The following RNF4 variants were observed in gnomAD, a reference collection of about 807,000 sequenced individuals.
RNF4 encodes ring finger protein 4, also known as E3 ubiquitin-protein ligase RNF4.
In RNF4, 7 loss-of-function variants were observed where a neutral mutation model predicts 24.3. The observed-to-expected ratio is 0.29, with a 90% CI of 0.16 to 0.54. The LOEUF is 0.54. Among genes scored for constraint, RNF4 ranks in the 20% least tolerant of loss-of-function variants. RNF4 has a pLI of 0.95. For synonymous variants in RNF4, 83 were observed against 84.3 expected (o/e 0.98, Z 0.09); for missense variants, 209 against 248.5 (o/e 0.84, Z 1.07).
chr4:2,509,577 G>A (rs570151761), intron 4 of RNF4, among the ~76,000 whole-genome samples: 87 of 152,132 alleles, frequency 5.7e-4, no homozygotes, highest in Non-Finnish European at 8.5e-4. Context: ...CATTAAAAGC[G>A]GGGACAGTCA....
rs142569699 is a variant in RNF4, at chr4:2,482,190, G to A, written c.-157-8147G>A. 2.7e-3 allele frequency among the ~76,000 whole-genome samples: 415 copies of A among 152,302 alleles called. 1 individual carries two copies. The highest frequency in any genetic ancestry group is 9.7e-3 in the African/African-American group (402 of 41,560). On this transcript the variant is annotated intron_variant, in intron 1 of 7. Transcript: ENST00000314289. The stretch of plus-strand genomic sequence containing the variant: ...TTAGGCCCCCTCTGGTGTGCCCTTC[G>A]AGAATTCCCATTGTGGGGCACTGCT...
chr4:2,505,061 T>G (rs572280022), intron 4 of RNF4: 1 of 152,154 alleles, frequency 6.6e-6, no homozygotes, highest in East Asian at 1.9e-4. Flanking sequence ...TATGCAACTT[T>G]CGTATATAAA....
intron 4 of RNF4, among the ~76,000 whole-genome samples, chr4:2,508,784 G>C (rs899848893): frequency 6.6e-6 from 1 of 151,010 alleles, no homozygotes; most frequent in Admixed American, 6.6e-5. Context: ...GGCTAATTTT[G>C]TGTTTTTAGT....
At chr4:2,491,098 TTCTGTTTTCCCG>T (rs1353269090) in intron 2 of RNF4, among the ~76,000 whole-genome samples, 1 of 152,204 alleles carries the variant, frequency 6.6e-6, no homozygotes, top group Non-Finnish European at 1.5e-5. Context: ...CAACCCAGTT[TTCTGTTTTCCCG>T]TCTGTTTTGT....
intron 5 of RNF4, 35 bp downstream of exon 5, chr4:2,512,000 G>A: frequency 6.3e-7 from 1 of 1,599,386 alleles, no homozygotes; most frequent in Non-Finnish European, 8.5e-7. Context: ...ACTGGGTTTG[G>A]AGAGGAAACT....
Position 2,512,098 on chromosome 4 carries a change from A to T in RNF4, c.214+133A>T. The T allele has an allele frequency of 1.2e-6, 1 of 817,490 alleles. No homozygotes were observed. Among genetic ancestry groups the T allele is most frequent in the Admixed American group, 2.5e-5 (1 of 40,388 alleles). The allele number at this position is 817,490 out of a possible 1,614,324, so 50.6% of individuals were successfully genotyped here. A position where few individuals can be genotyped will look rare whatever the true frequency, so the allele number is the denominator to read the frequency against. ...TCCAAGCAGGAAGATGCCTTCGCAG[A>T]TGCTGTGGTCAGACCCACACAGCCA... On this transcript the variant is annotated intron_variant, in intron 5 of 7. Transcript: ENST00000314289. The surrounding 1 kb of genome is among the most constrained non-coding windows in gnomAD (Gnocchi z 4.1).
At chr4:2,492,055 A>G (rs201132006) in intron 2 of RNF4, among the ~76,000 whole-genome samples, 1 of 151,820 alleles carries the variant, frequency 6.6e-6, no homozygotes. Context: ...AAAATTAGCC[A>G]GGCATAGTTG....
chr4:2,472,049 T>TTA (rs1357065419), intron 1 of RNF4, among the ~76,000 whole-genome samples: 3 of 152,228 alleles, frequency 2.0e-5, no homozygotes, highest in Non-Finnish European at 2.9e-5. Flanking sequence ...AAATACTATC[T>TTA]AGGACTTTCA....
rs576048993 is a variant in RNF4, at chr4:2,499,506, C to T, written c.125-1153C>T. 259 of 285,674 alleles carry T rather than the reference C, an allele frequency of 9.1e-4. 1 individual carries two copies. Among genetic ancestry groups the T allele is most frequent in the African/African-American group, 5.5e-3 (235 of 42,970 alleles). The allele number at this position is 285,674 out of a possible 1,614,324, so 17.7% of individuals were successfully genotyped here. ...GGTCAGGCTGGTCTCGAACTCTCAA[C>T]CTCAGGTGATCCGCCCACCTCAGCC... On this transcript the variant is annotated intron_variant, in intron 3 of 7. Coordinates refer to ENST00000314289, the MANE Select transcript of RNF4 (RefSeq NM_002938.5).
At chr4:2,473,266 C>G (rs111772927) in intron 1 of RNF4, among the ~76,000 whole-genome samples, 2 of 151,930 alleles carry the variant, frequency 1.3e-5, no homozygotes, top group East Asian at 1.9e-4. Flanking sequence ...CTCCTGTAGT[C>G]CCAGCTACTT....
intron 1 of RNF4, among the ~76,000 whole-genome samples, chr4:2,489,200 G>C (rs1165277619): frequency 6.6e-6 from 1 of 152,190 alleles, no homozygotes; most frequent in Admixed American, 6.5e-5. Flanking sequence ...ATGCTTAGGA[G>C]TTAGGCCTTG....
chr4:2,513,834 C>A lies in RNF4; in HGVS notation c.*15C>A. Reference sequence around the variant, plus strand: ...TTTATATATGAAGTATTCAGAGCCCCCCAGGAGAGACGGATGGACAGACAG... The same window carrying A: ...TTTATATATGAAGTATTCAGAGCCCACCAGGAGAGACGGATGGACAGACAG... On this transcript the variant is annotated 3_prime_UTR_variant, in exon 8 of 8. Coordinates refer to ENST00000314289, the MANE Select transcript of RNF4 (RefSeq NM_002938.5). 6.2e-7 allele frequency: 1 copy of A among 1,613,782 alleles called. No individual in the cohort carries two copies. Among genetic ancestry groups the A allele is most frequent in the East Asian group, 2.2e-5 (1 of 44,878 alleles).
intron 4 of RNF4, chr4:2,505,481 AC>A (rs1456374268): frequency 6.6e-6 from 1 of 151,562 alleles, no homozygotes; most frequent in African/African-American, 2.4e-5. Flanking sequence ...GCCCGCCACC[AC>A]ACCCGGCTAA....
chr4:2,497,754 C>T (rs969088653), intron 3 of RNF4, among the ~76,000 whole-genome samples: 1 of 152,184 alleles, frequency 6.6e-6, no homozygotes, highest in African/African-American at 2.4e-5. Flanking sequence ...CCTGCCTCAG[C>T]CTCCCAAGTA....
chr4:2,497,042 A>G lies in RNF4; in HGVS notation c.45A>G (p.Gln15=), dbSNP rs548775256. ...KRRGGAINSR[Q]AQKRTREATS... ...GTGGTGGAGCAATAAATTCTAGACAAGCTCAGAAGCGAACTCGGGAAGCAA... is the reference window on the plus strand; with the variant it reads ...GTGGTGGAGCAATAAATTCTAGACAGGCTCAGAAGCGAACTCGGGAAGCAA... Residue 15 remains glutamine, a synonymous_variant, in exon 3 of 8, where the codon CAA becomes CAG. Transcript: ENST00000314289. The G allele has an allele frequency of 1.2e-6, 2 of 1,607,588 alleles. No homozygotes were observed. The highest frequency in any genetic ancestry group is 2.2e-5 in the East Asian group (1 of 44,666).
intron 4 of RNF4, among the ~76,000 whole-genome samples, chr4:2,510,106 C>T (rs1404087572): frequency 2.0e-5 from 3 of 152,196 alleles, no homozygotes; most frequent in Admixed American, 6.5e-5. Context: ...GAGCACGTTT[C>T]AGTGGCTCCA....
chr4:2,511,174 ACT>A (rs1288106779), intron 4 of RNF4, among the ~76,000 whole-genome samples: 16 of 152,170 alleles, frequency 1.1e-4, no homozygotes, highest in Non-Finnish European at 1.9e-4. Flanking sequence ...GGCTCTGGTG[ACT>A]CTGCTTCAGA....
At chr4:2,474,239 G>A (rs1578495774) in intron 1 of RNF4, among the ~76,000 whole-genome samples, 2 of 151,874 alleles carry the variant, frequency 1.3e-5, no homozygotes, top group African/African-American at 2.4e-5. Flanking sequence ...TTAGCCAGGT[G>A]TGGTGGCACG....
At chr4:2,493,935 C>T (rs984761640) in intron 2 of RNF4, among the ~76,000 whole-genome samples, 4 of 150,802 alleles carry the variant, frequency 2.7e-5, no homozygotes, top group East Asian at 2.0e-4. Context: ...CTCTGCTGCC[C>T]GGGTTCAAGC....
Sources: allele counts gnomAD v4.1 joint callset (sites outside exome capture counted in the v4.1 genomes callset), GRCh38; gene constraint gnomAD v4.1.1; non-coding constraint Gnocchi (gnomAD v3.1); transcripts MANE v1.5; gene names NCBI Gene and HGNC (gene_info 2026-07-23, HGNC 2026-07-21).